SACM1L: variants seen among roughly 807,000 people sequenced by gnomAD.
SACM1L encodes the protein SAC1 like phosphatidylinositide phosphatase.
In SACM1L, 32 loss-of-function variants were observed where a neutral mutation model predicts 89.5. That is an observed-to-expected ratio of 0.36 (90% CI 0.27 to 0.48). The LOEUF (loss-of-function observed/expected upper bound fraction) is 0.48, where lower values mean the gene tolerates loss of function less well. Among genes scored for constraint, SACM1L ranks in the 20% least tolerant of loss-of-function variants. The pLI is 0.99. For synonymous variants in SACM1L, 213 were observed against 232.8 expected, an observed-to-expected ratio of 0.92 and a Z score of 0.77; for missense variants, 543 against 708.5, an observed-to-expected ratio of 0.77 and a Z score of 2.65.
chr3:45,730,811 A>G (rs1407465524), intron 11 of SACM1L: 1 of 152,236 alleles, frequency 6.6e-6, no homozygotes, highest in African/African-American at 2.4e-5. Context: ...TCAGGCATCC[A>G]TTGGTTTATG....
chr3:45,707,294 CAT>C (rs1290008607), intron 4 of SACM1L: 1 of 170,522 alleles, frequency 5.9e-6, no homozygotes, highest in Non-Finnish European at 1.3e-5. Flanking sequence ...ATTTTTACCA[CAT>C]GTGAATGTAA....
intron 6 of SACM1L, 95 bp downstream of exon 6, chr3:45,713,291 G>A (rs776302551): frequency 3.2e-5 from 30 of 938,848 alleles, no homozygotes; most frequent in Non-Finnish European, 4.6e-5. Flanking sequence ...CAAGAATTTC[G>A]AGAAACAATT....
At chr3:45,726,517 C>T (rs948808822) in intron 11 of SACM1L, among the ~76,000 whole-genome samples, 1 of 152,030 alleles carries the variant, frequency 6.6e-6, no homozygotes, top group Non-Finnish European at 1.5e-5. Context: ...TCATAGTATT[C>T]TCTTAGATCC....
chr3:45,727,444 A>G (rs1042093709), intron 11 of SACM1L, among the ~76,000 whole-genome samples: 1 of 152,170 alleles, frequency 6.6e-6, no homozygotes, highest in Admixed American at 6.5e-5. Context: ...TTTGTCTTAG[A>G]GAATATTTCA....
chr3:45,737,492 A>C, intron 14 of SACM1L, 91 bp from the exon 15 acceptor site: 1 of 1,246,146 alleles, frequency 8.0e-7, no homozygotes, highest in Non-Finnish European at 1.1e-6. Flanking sequence ...ACCAGGCACC[A>C]TGAGATAAAA....
intron 3 of SACM1L, among the ~76,000 whole-genome samples, chr3:45,706,360 C>T (rs1410042970): frequency 6.6e-6 from 1 of 152,132 alleles, no homozygotes; most frequent in Non-Finnish European, 1.5e-5. Context: ...ACATGAAGGA[C>T]ATAGGAGTGG....
chr3:45,702,300 A>G (rs1172630364), intron 1 of SACM1L, among the ~76,000 whole-genome samples: 1 of 152,216 alleles, frequency 6.6e-6, no homozygotes, highest in Admixed American at 6.5e-5. Context: ...GTAAATAGAA[A>G]ATGATGTCCA....
intron 5 of SACM1L, among the ~76,000 whole-genome samples, chr3:45,711,553 G>A (rs2246061): frequency 4.6e-5 from 7 of 151,850 alleles, no homozygotes; most frequent in African/African-American, 1.7e-4. Context: ...ACTTGAGATA[G>A]AAGCCACAGT....
intron 11 of SACM1L, among the ~76,000 whole-genome samples, chr3:45,730,840 C>T (rs1699035705): frequency 6.6e-6 from 1 of 152,210 alleles, no homozygotes; most frequent in South Asian, 2.1e-4. Context: ...GTAGCTTTTA[C>T]AAACAGTGGT....
rs1423753177 is a variant in SACM1L, at chr3:45,727,000, C to G, written c.921+3457C>G. Among the ~76,000 whole-genome samples the G allele has an allele frequency of 2.7e-5, 2 of 73,424 alleles. 1 individual carries two copies. Among genetic ancestry groups the G allele is most frequent in the Admixed American group, 2.6e-4 (2 of 7,692 alleles). The allele number at this position is 73,424 out of a possible 152,430, so 48.2% of individuals were successfully genotyped here. On this transcript the variant is annotated intron_variant, in intron 11 of 19. Coordinates refer to ENST00000389061, the MANE Select transcript of SACM1L (RefSeq NM_014016.5). ...TCCCGGGTTCACGCCATTCTCCTGC[C>G]TCAGCCTCCCGAGTAGCTGGGACTA...
chr3:45,737,722 CTTTG>C (rs753811493), intron 15 of SACM1L, 46 bp from the exon 16 acceptor site: 46 of 1,587,450 alleles, frequency 2.9e-5, no homozygotes, highest in African/African-American at 5.4e-5. Flanking sequence ...GGATTTAGAA[CTTTG>C]TTTGTCATCT....
intron 14 of SACM1L, chr3:45,737,292 A>G (rs529352344): frequency 1.7e-4 from 64 of 374,156 alleles, no homozygotes; most frequent in Non-Finnish European, 2.8e-4. Context: ...CTGGAATCCT[A>G]TAGCAGCTTT....
intron 1 of SACM1L, among the ~76,000 whole-genome samples, chr3:45,699,608 A>G (rs2673048): frequency 0.67 from 101,219 of 152,046 alleles, 34,361 homozygotes; most frequent in African/African-American, 0.76. Flanking sequence ...GCTCACTGCC[A>G]CCTCCATCTC....
intron 11 of SACM1L, among the ~76,000 whole-genome samples, chr3:45,728,224 A>AT (rs1351769365): frequency 5.3e-5 from 8 of 152,042 alleles, no homozygotes; most frequent in South Asian, 4.1e-4. Context: ...GTTAGATCAT[A>AT]TTTTTTTCCA....
chr3:45,713,898 A>G (rs1046859014), intron 6 of SACM1L, 148 bp from the exon 7 acceptor site: 5 of 375,286 alleles, frequency 1.3e-5, no homozygotes, highest in Middle Eastern at 7.7e-4. Flanking sequence ...ACTTAATGTT[A>G]CATTAGAGAA....
In SACM1L at chr3:45,731,906, G is replaced by T. The variant is rs13316262; in HGVS notation, c.1002-147G>T. ...TGTGTGCATGTAGTATATGTATAGT[G>T]ATAAACCCAGAGTGAAGGAGGTTCT... On this transcript the variant is annotated intron_variant, in intron 12 of 19. Transcript: ENST00000389061. 2,941 of 559,606 alleles carry T rather than the reference G, an allele frequency of 5.3e-3. 65 individuals are homozygous for T. The highest frequency in any genetic ancestry group is 0.045 in the African/African-American group (2,355 of 52,430). The allele number at this position is 559,606 out of a possible 1,614,324, so 34.7% of individuals were successfully genotyped here. A position where few individuals can be genotyped will look rare whatever the true frequency, so the allele number is the denominator to read the frequency against.
intron 1 of SACM1L, among the ~76,000 whole-genome samples, chr3:45,699,695 T>G (rs148720443): frequency 0.027 from 4,151 of 152,256 alleles, 84 homozygotes; most frequent in Non-Finnish European, 0.042. Context: ...CTAATTTTTG[T>G]ATTTTTAGTA....
At chr3:45,724,185 C>T (rs921256069) in intron 11 of SACM1L, among the ~76,000 whole-genome samples, 1 of 152,042 alleles carries the variant, frequency 6.6e-6, no homozygotes, top group Non-Finnish European at 1.5e-5. Context: ...ATGTTTAACT[C>T]TTTGAGGAAC....
intron 2 of SACM1L, 108 bp downstream of exon 2, chr3:45,703,643 C>T: frequency 1.6e-6 from 1 of 621,768 alleles, no homozygotes; most frequent in South Asian, 2.4e-5. Flanking sequence ...TCTCTGAGTG[C>T]ATTCTTATTA....
Sources: gnomAD v4.1 joint callset for allele counts (sites outside exome capture counted in the v4.1 genomes callset) on GRCh38, gnomAD v4.1.1 for gene constraint, MANE v1.5 for transcripts, NCBI Gene and HGNC (gene_info 2026-07-23, HGNC 2026-07-21) for gene names.